Variants in MSH3 observed in about 807,000 individuals in gnomAD.
The protein encoded by MSH3 is DNA mismatch repair protein Msh3.
In MSH3, 106 loss-of-function variants were observed where a neutral mutation model predicts 123.3. The observed-to-expected ratio is 0.86, with a 90% CI of 0.73 to 1.01. MSH3 has a LOEUF of 1.01. MSH3 is among the 50% of genes least tolerant of loss of function. The pLI is 0.00. For synonymous variants in MSH3, 515 were observed against 481.4 expected (o/e 1.07, Z -0.91); for missense variants, 1,459 against 1,347.6 (o/e 1.08, Z -1.29).
chr5:80,720,017 G>A (rs1484644862), intron 8 of MSH3, among the ~76,000 whole-genome samples: 2 of 152,060 alleles, frequency 1.3e-5, no homozygotes, highest in East Asian at 1.9e-4. Context: ...CTACTGGTCT[G>A]GTGACCATAC....
At chr5:80,804,747 T>G (rs1200003747) in intron 19 of MSH3, among the ~76,000 whole-genome samples, 4 of 152,150 alleles carry the variant, frequency 2.6e-5, no homozygotes, top group Non-Finnish European at 5.9e-5. Context: ...GAATACTGGG[T>G]CTTACCCAAG....
intron 8 of MSH3, among the ~76,000 whole-genome samples, chr5:80,699,114 G>T (rs1299136973): frequency 6.6e-6 from 1 of 152,114 alleles, no homozygotes; most frequent in African/African-American, 2.4e-5. Flanking sequence ...TGTGTACCCA[G>T]CACCTATCAA....
intron 20 of MSH3, among the ~76,000 whole-genome samples, chr5:80,830,915 T>G (rs571089063): frequency 6.6e-6 from 1 of 152,224 alleles, no homozygotes; most frequent in Non-Finnish European, 1.5e-5. Context: ...GTATTATAAC[T>G]TTTATAAATA....
In MSH3 at chr5:80,787,655, G is replaced by T; in HGVS notation, c.2526G>T (p.Lys842Asn). 6.2e-7 allele frequency: 1 copy of T among 1,613,082 alleles called. No homozygotes were observed. Residue 842 changes from lysine (K) to asparagine (N), a missense_variant, in exon 18 of 24, where the codon AAG (lysine) becomes AAT (asparagine). Coordinates refer to ENST00000265081, the MANE Select transcript of MSH3 (RefSeq NM_002439.5). ...TTTTCTCCCTGGCCAAGGTCGCTAA[G>T]CAAGGAGATTACTGCAGGTAAGATA... ...DCIFSLAKVA[K>N]QGDYCRPTVQ...
chr5:80,725,390 C>T, intron 8 of MSH3, 63 bp from the exon 9 acceptor site: 3 of 1,125,528 alleles, frequency 2.7e-6, no homozygotes, highest in Non-Finnish European at 4.1e-6. Flanking sequence ...TGGCCAAGAC[C>T]TAAATACCAG....
At chr5:80,664,586 G>A (rs1580546193) in intron 2 of MSH3, among the ~76,000 whole-genome samples, 1 of 152,216 alleles carries the variant, frequency 6.6e-6, no homozygotes, top group East Asian at 1.9e-4. Context: ...AAGGACAGTT[G>A]TCTTTGAGCT....
chr5:80,709,546 C>T (rs531484087), intron 8 of MSH3, among the ~76,000 whole-genome samples: 30 of 152,146 alleles, frequency 2.0e-4, no homozygotes, highest in Admixed American at 7.9e-4. Context: ...GGTGTGAACC[C>T]GGGAGGCGGA....
At chr5:80,680,523 T>C (rs1749951453) in intron 8 of MSH3, among the ~76,000 whole-genome samples, 1 of 151,884 alleles carries the variant, frequency 6.6e-6, no homozygotes, top group South Asian at 2.1e-4. Flanking sequence ...ATCACTTTTT[T>C]CCATTTGTGA....
intron 11 of MSH3, 58 bp from the exon 12 acceptor site, chr5:80,744,448 A>G: frequency 8.0e-7 from 1 of 1,247,438 alleles, no homozygotes; most frequent in Non-Finnish European, 1.2e-6. Flanking sequence ...TATATGAAAT[A>G]ACAATTTGGC....
chr5:80,679,170 T>A (rs1369353726), intron 8 of MSH3, 77 bp downstream of exon 8: 1 of 1,430,396 alleles, frequency 7.0e-7, no homozygotes, highest in East Asian at 2.3e-5. Flanking sequence ...CTTATTAAAG[T>A]TGCTAAAAAT....
At chr5:80,820,225 T>C (rs188770678) in intron 20 of MSH3, among the ~76,000 whole-genome samples, 3 of 152,338 alleles carry the variant, frequency 2.0e-5, no homozygotes, top group African/African-American at 7.2e-5. Context: ...GGTTCAAAGG[T>C]TTCCACAAAG....
chr5:80,872,088 A>T (rs943493621), intron 22 of MSH3, among the ~76,000 whole-genome samples: 1 of 152,214 alleles, frequency 6.6e-6, no homozygotes, highest in African/African-American at 2.4e-5. Flanking sequence ...TATAGCTCTT[A>T]GTTAACCTGA....
intron 10 of MSH3, among the ~76,000 whole-genome samples, chr5:80,729,764 A>G (rs1203061015): frequency 1.3e-5 from 2 of 152,138 alleles, no homozygotes; most frequent in Non-Finnish European, 2.9e-5. Context: ...CTAGTTTGAT[A>G]ACCATTGGAA....
intron 8 of MSH3, among the ~76,000 whole-genome samples, chr5:80,712,563 G>T (rs909317020): frequency 1.3e-5 from 2 of 151,908 alleles, no homozygotes; most frequent in African/African-American, 4.8e-5. Flanking sequence ...CTTTGTTTTG[G>T]ATTGCACTCC....
intron 15 of MSH3, among the ~76,000 whole-genome samples, chr5:80,770,238 T>G (rs572125601): frequency 1.3e-5 from 2 of 152,050 alleles, no homozygotes; most frequent in South Asian, 4.2e-4. Flanking sequence ...ATAAAAGATA[T>G]GTAGTAGAAA....
intron 22 of MSH3, among the ~76,000 whole-genome samples, chr5:80,865,253 A>G (rs1286031926): frequency 1.3e-5 from 2 of 152,194 alleles, no homozygotes; most frequent in African/African-American, 4.8e-5. Flanking sequence ...GTACTCTTAC[A>G]TGATTCATCT....
intron 3 of MSH3, among the ~76,000 whole-genome samples, chr5:80,665,580 A>C (rs1184374854): frequency 6.6e-6 from 1 of 152,190 alleles, no homozygotes; most frequent in Non-Finnish European, 1.5e-5. Flanking sequence ...TATGGGAACA[A>C]AACAAAAGCC....
intron 19 of MSH3, among the ~76,000 whole-genome samples, chr5:80,794,892 T>C (rs1454029582): frequency 6.6e-6 from 1 of 152,142 alleles, no homozygotes; most frequent in Non-Finnish European, 1.5e-5. Flanking sequence ...AACCCTGAGG[T>C]ACATGGTCCA....
intron 20 of MSH3, among the ~76,000 whole-genome samples, chr5:80,828,354 C>T (rs1745357099): frequency 6.6e-6 from 1 of 152,116 alleles, no homozygotes; most frequent in Non-Finnish European, 1.5e-5. Context: ...TGGATTAATC[C>T]ATTCATAAGG....
Sources: gnomAD v4.1 joint callset for allele counts (sites outside exome capture counted in the v4.1 genomes callset) on GRCh38, gnomAD v4.1.1 for gene constraint, MANE v1.5 for transcripts, NCBI Gene and HGNC (gene_info 2026-07-23, HGNC 2026-07-21) for gene names.